Variants in CEP83 observed in about 807,000 individuals in gnomAD.
CEP83 encodes the protein centrosomal protein of 83 kDa.
A neutral mutation model predicts 101.9 loss-of-function variants in CEP83; 70 were observed. The observed-to-expected ratio is 0.69, with a 90% CI of 0.57 to 0.84. The LOEUF (loss-of-function observed/expected upper bound fraction) is 0.84, where lower values mean the gene tolerates loss of function less well. CEP83 is among the 40% of genes least tolerant of loss of function. CEP83 has a pLI of 0.00. For missense variants in CEP83, 715 were observed against 787.2 expected, an observed-to-expected ratio of 0.91 and a Z score of 1.10; for synonymous variants, 264 against 267.9, an observed-to-expected ratio of 0.99 and a Z score of 0.14.
chr12:94,389,406 G>C (rs1430586224), intron 6 of CEP83, among the ~76,000 whole-genome samples: 1 of 152,176 alleles, frequency 6.6e-6, no homozygotes, highest in East Asian at 1.9e-4. Flanking sequence ...ATTATGGTAA[G>C]TATTTTGCAC....
intron 11 of CEP83, among the ~76,000 whole-genome samples, chr12:94,341,709 A>T (rs1593264473): frequency 6.6e-6 from 1 of 152,250 alleles, no homozygotes; most frequent in African/African-American, 2.4e-5. Context: ...CAGAATAGAA[A>T]ATTATTCACA....
intron 11 of CEP83, among the ~76,000 whole-genome samples, chr12:94,339,277 C>T (rs542571001): frequency 1.1e-3 from 164 of 152,240 alleles, no homozygotes; most frequent in African/African-American, 3.8e-3. Context: ...CCTATACATG[C>T]TAAGCCCATT....
the CEP83 span, among the ~76,000 whole-genome samples, chr12:94,297,787 A>G: frequency 6.6e-6 from 1 of 152,234 alleles, no homozygotes; most frequent in South Asian, 2.1e-4. Flanking sequence ...TGCGAATAAA[A>G]TGAAGGGGAT....
In CEP83 at chr12:94,376,688, T is replaced by TACACACAC. The variant is rs1225591201; in HGVS notation, c.802-672_802-671insGTGTGTGT. Among the ~76,000 whole-genome samples the TACACACAC allele has an allele frequency of 7.0e-4, 61 of 87,506 alleles. No individual in the cohort carries two copies. In the East Asian group the frequency reaches 9.2e-3, roughly 13 times the overall value. 57.4% of individuals were successfully genotyped at this position (87,506 alleles called of 152,430 possible). ...CTATTCAACATAATATATATACATA[T>TACACACAC]ATACACACACACACACACACACACA... On this transcript the variant is annotated intron_variant, in intron 7 of 16. Transcript: ENST00000397809.
intron 2 of CEP83, among the ~76,000 whole-genome samples, chr12:94,419,131 T>C (rs2064515738): frequency 6.6e-6 from 1 of 151,950 alleles, no homozygotes. Flanking sequence ...GAAAAATAAT[T>C]AGAAAAAGCA....
chr12:94,309,807 G>A (rs1969563563), intron 16 of CEP83, 111 bp downstream of exon 16: 2 of 593,098 alleles, frequency 3.4e-6, no homozygotes, highest in Non-Finnish European at 2.8e-6. Context: ...TTTTTGTGGT[G>A]AATTTTGAGC....
the CEP83 span, among the ~76,000 whole-genome samples, chr12:94,280,938 G>A: frequency 2.3e-3 from 356 of 152,308 alleles, 17 homozygotes; most frequent in East Asian, 0.063. Flanking sequence ...CTGTGTGCCT[G>A]CTGATTTCCC....
intron 1 of CEP83, among the ~76,000 whole-genome samples, chr12:94,442,235 T>C (rs983739715): frequency 5.3e-5 from 8 of 151,950 alleles, no homozygotes; most frequent in Non-Finnish European, 8.8e-5. Flanking sequence ...CGAGATGGAA[T>C]TGGAGGCCAT....
chr12:94,346,902 G>A (rs1405555966), intron 11 of CEP83, among the ~76,000 whole-genome samples: 2 of 152,072 alleles, frequency 1.3e-5, no homozygotes, highest in Non-Finnish European at 2.9e-5. Context: ...GCCAGGCACG[G>A]TGCCATGCAC....
intron 15 of CEP83, 113 bp from the exon 16 acceptor site, chr12:94,310,220 A>T: frequency 2.6e-6 from 1 of 388,738 alleles, no homozygotes; most frequent in Non-Finnish European, 4.5e-6. Flanking sequence ...ATCTATATAT[A>T]ATATATAGAT....
chr12:94,420,330 G>GA (rs2064625141), intron 2 of CEP83, among the ~76,000 whole-genome samples: 1 of 152,150 alleles, frequency 6.6e-6, no homozygotes, highest in South Asian at 2.1e-4. Context: ...AGATTTATAT[G>GA]ATACTGTTCA....
intron 9 of CEP83, 83 bp downstream of exon 9, chr12:94,369,839 A>G: frequency 1.3e-6 from 1 of 752,428 alleles, no homozygotes; most frequent in Non-Finnish European, 2.2e-6. Flanking sequence ...GGAAATAAAA[A>G]TTCAGATTCA....
chr12:94,423,045 G>A (rs1016185846), intron 2 of CEP83, among the ~76,000 whole-genome samples: 14 of 152,032 alleles, frequency 9.2e-5, no homozygotes, highest in African/African-American at 2.7e-4. Flanking sequence ...TTTTTCCAAC[G>A]TGGTTGTACC....
chr12:94,300,938 C>G, the CEP83 span: 1 of 1,613,162 alleles, frequency 6.2e-7, no homozygotes, highest in Admixed American at 1.7e-5. Flanking sequence ...GGTAAACATC[C>G]TGAAGAACCC....
chr12:94,326,603 C>A (rs572364510), intron 14 of CEP83, among the ~76,000 whole-genome samples: 1 of 152,302 alleles, frequency 6.6e-6, no homozygotes, highest in South Asian at 2.1e-4. Context: ...GAAATAGGGT[C>A]TACAAATGTA....
At chr12:94,342,830 A>C (rs2059744861) in intron 11 of CEP83, among the ~76,000 whole-genome samples, 1 of 152,114 alleles carries the variant, frequency 6.6e-6, no homozygotes, top group African/African-American at 2.4e-5. Flanking sequence ...AAACGCTACA[A>C]TTCACACTTA....
intron 1 of CEP83, among the ~76,000 whole-genome samples, chr12:94,442,304 G>A (rs2066469354): frequency 6.6e-6 from 1 of 150,934 alleles, no homozygotes; most frequent in Non-Finnish European, 1.5e-5. Context: ...CTCACAAGTG[G>A]AAGCTAAGCT....
chr12:94,450,931 T>C (rs1339326156), intron 1 of CEP83, among the ~76,000 whole-genome samples: 2 of 152,226 alleles, frequency 1.3e-5, no homozygotes, highest in African/African-American at 4.8e-5. Flanking sequence ...ACTACTTATT[T>C]TGAAACTTAC....
rs1376174401 is a variant in CEP83 at position 94,312,896 on chromosome 12, CACAT to C, written c.1811+14_1811+17del. ...TCAAAATAACCACATGGGGAAGATA[CACAT>C]ACAAACACATTACCTATTTAAGACC... On this transcript the variant is annotated intron_variant, in intron 15 of 16. Coordinates refer to ENST00000397809, the MANE Select transcript of CEP83 (RefSeq NM_016122.3). 1 of 1,346,398 alleles carries C rather than the reference CACAT, an allele frequency of 7.4e-7. No individual in the cohort carries two copies. The highest frequency in any genetic ancestry group is 2.0e-5 in the Admixed American group (1 of 49,212). 83.4% of individuals were successfully genotyped at this position (1,346,398 alleles called of 1,614,324 possible).
Sources: allele counts gnomAD v4.1 joint callset (sites outside exome capture counted in the v4.1 genomes callset), GRCh38; gene constraint gnomAD v4.1.1; transcripts MANE v1.5; gene names NCBI Gene and HGNC (gene_info 2026-07-23, HGNC 2026-07-21).